The following PRKACA variants were observed in gnomAD, a reference collection of about 807,000 sequenced individuals.
PRKACA encodes the protein cAMP-dependent protein kinase catalytic subunit alpha.
A neutral mutation model predicts 45.8 loss-of-function variants in PRKACA; 9 were observed. That is an observed-to-expected ratio of 0.20 (90% CI 0.12 to 0.34). The LOEUF (loss-of-function observed/expected upper bound fraction) is 0.34. Among genes scored for constraint, PRKACA ranks in the 10% least tolerant of loss-of-function variants. The pLI is 1.00. For synonymous variants in PRKACA, 160 were observed against 178.6 expected (o/e 0.90, Z 0.83); for missense variants, 238 against 458.6 (o/e 0.52, Z 4.39).
intron 2 of PRKACA, 84 bp from the exon 3 acceptor site, chr19:14,106,972 C>CGGT (rs1977631257): frequency 4.5e-6 from 7 of 1,544,278 alleles, no homozygotes; most frequent in South Asian, 1.2e-5. Flanking sequence ...CCTCTGCCAC[C>CGGT]GGCAGAGGGG....
At chr19:14,094,366 T>G (rs1292133012) in intron 8 of PRKACA, among the ~76,000 whole-genome samples, 1 of 152,106 alleles carries the variant, frequency 6.6e-6, no homozygotes, top group Non-Finnish European at 1.5e-5. Flanking sequence ...TTTTTGTATT[T>G]TTAGTAGAGA....
rs190403306 is a variant in PRKACA at position 14,106,602 on chromosome 19, C to T, written c.237+158G>A. 1.5e-3 allele frequency among the ~76,000 whole-genome samples: 222 copies of T among 152,142 alleles called. No homozygotes were observed. In the Middle Eastern group the frequency reaches 0.017, roughly 12 times the overall value. Reference sequence around the variant, plus strand: ...TAGGGAGGTGGAGGTTGCAGTGAGCCGAGATCACGCCACTGTACTCCAGCC... The same window carrying T: ...TAGGGAGGTGGAGGTTGCAGTGAGCTGAGATCACGCCACTGTACTCCAGCC... On this transcript the variant is annotated intron_variant, in intron 3 of 9. Transcript: ENST00000308677.
intron 1 of PRKACA, among the ~76,000 whole-genome samples, chr19:14,109,965 AATATATATATAT>A (rs1188333013): frequency 3.8e-4 from 9 of 23,774 alleles, no homozygotes; most frequent in South Asian, 2.6e-3. Flanking sequence ...AAAAAAAAAA[AATATATATATAT>A]ATATATATAT....
chr19:14,094,165 G>A (rs1173463551), intron 8 of PRKACA, among the ~76,000 whole-genome samples: 2 of 91,330 alleles, frequency 2.2e-5, no homozygotes, highest in East Asian at 3.8e-4. Flanking sequence ...CACCCAGCAA[G>A]AATCTGCATT....
intron 1 of PRKACA, among the ~76,000 whole-genome samples, chr19:14,110,905 A>G (rs1369208884): frequency 1.3e-5 from 2 of 152,208 alleles, no homozygotes; most frequent in Non-Finnish European, 2.9e-5. Context: ...CAGGGTGGCC[A>G]ATGTGGACAG....
intron 1 of PRKACA, 129 bp downstream of exon 1, chr19:14,117,373 G>T: frequency 9.3e-7 from 1 of 1,071,866 alleles, no homozygotes. Context: ...TGGACAGGCC[G>T]GGGCAAGGGG....
At chr19:14,096,478 C>T (rs2145747301) in intron 8 of PRKACA, 1 of 152,548 alleles carries the variant, frequency 6.6e-6, no homozygotes, top group South Asian at 2.1e-4. Context: ...TACCCAGCCC[C>T]AAAGTTTCAA....
At position 14,091,773 on chromosome 19, in the gene PRKACA, C is replaced by G. The variant is rs1977074213; in HGVS notation, c.*1339G>C. 6.6e-6 allele frequency: 1 copy of G among 152,538 alleles called. No individual in the cohort carries two copies. The highest frequency in any genetic ancestry group is 2.4e-5 in the African/African-American group (1 of 41,442). 9.4% of individuals were successfully genotyped at this position (152,538 alleles called of 1,614,324 possible). On this transcript the variant is annotated 3_prime_UTR_variant, in exon 10 of 10. Transcript: ENST00000308677. ...GTTCAAGAGGAAGTCTCGTCCTTCG[C>G]AGCACACAGGTTGAATCGCCCCCGC... is the stretch of plus-strand genomic sequence containing the variant.
At chr19:14,113,630 CCTT>C (rs768178634) in intron 1 of PRKACA, among the ~76,000 whole-genome samples, 2 of 152,188 alleles carry the variant, frequency 1.3e-5, no homozygotes, top group African/African-American at 2.4e-5. Flanking sequence ...CAATCTCAGA[CCTT>C]CTGCCCTTTT....
Position 14,097,518 on chromosome 19 carries a change from A to C in PRKACA, c.643-35T>G, listed in dbSNP as rs775520455. ...GATGGGGGGGCACAGGGTGAGGAGG[A>C]GGCGAGAGCAGGAGAGCAGAGCCGG... is the stretch of plus-strand genomic sequence containing the variant. On this transcript the variant is annotated intron_variant, in intron 7 of 9. Coordinates refer to ENST00000308677, the MANE Select transcript of PRKACA (RefSeq NM_002730.4). The surrounding 1 kb of genome is among the most constrained non-coding windows in gnomAD (Gnocchi z 5.4). The C allele has an allele frequency of 1.2e-6, 2 of 1,613,524 alleles. No homozygotes were observed. The highest frequency in any genetic ancestry group is 2.2e-5 in the East Asian group (1 of 44,870).
chr19:14,093,904 G>C (rs749850341), intron 8 of PRKACA, 112 bp from the exon 9 acceptor site: 6 of 1,140,404 alleles, frequency 5.3e-6, no homozygotes, highest in Non-Finnish European at 6.1e-6. Flanking sequence ...CCAAAGCAGA[G>C]TGCCTGCCAG....
At chr19:14,095,733 G>T (rs570000034) in intron 8 of PRKACA, among the ~76,000 whole-genome samples, 27 of 151,804 alleles carry the variant, frequency 1.8e-4, no homozygotes, top group Non-Finnish European at 3.4e-4. Flanking sequence ...AGCCAGGCTG[G>T]TCTTGAACTC....
In PRKACA at chr19:14,092,531, G is replaced by C. The variant is rs1156343215; in HGVS notation, c.*581C>G. On this transcript the variant is annotated 3_prime_UTR_variant, in exon 10 of 10. Transcript: ENST00000308677. ...GGGGTGGGAGTAGAGGAAGGAGGGA[G>C]GGAGGCACTGGTGGAACTTAAATAA... is the stretch of plus-strand genomic sequence containing the variant. 4 of 398,494 alleles carry C rather than the reference G, an allele frequency of 1.0e-5. No homozygotes were observed. The South Asian group carries it at 5.2e-4, about 52-fold the overall frequency. The allele number at this position is 398,494 out of a possible 1,614,324, so 24.7% of individuals were successfully genotyped here. A position where few individuals can be genotyped will look rare whatever the true frequency, so the allele number is the denominator to read the frequency against.
intron 4 of PRKACA, 92 bp downstream of exon 4, chr19:14,102,724 A>G: frequency 9.4e-7 from 1 of 1,065,456 alleles, no homozygotes; most frequent in Non-Finnish European, 1.5e-6. Flanking sequence ...GAGAGCAGCC[A>G]CTGATTGTCC....
chr19:14,103,056 C>A, intron 3 of PRKACA, 142 bp from the exon 4 acceptor site: 1 of 693,308 alleles, frequency 1.4e-6, no homozygotes, highest in Non-Finnish European at 2.6e-6. Context: ...CTGTCGGGCC[C>A]TTAGCTGATG....
At chr19:14,107,735 G>A in intron 1 of PRKACA, 1 of 1,094,658 alleles carries the variant, frequency 9.1e-7, no homozygotes. Context: ...CAGGGCCGAC[G>A]CCAGCCGAGG....
At chr19:14,114,010 G>A in intron 1 of PRKACA, 2 of 1,164,772 alleles carry the variant, frequency 1.7e-6, no homozygotes, top group Non-Finnish European at 2.5e-6. Flanking sequence ...GCGTTTCCAG[G>A]GCCAGCCAGG....
At chr19:14,106,663 C>T (rs1042745862) in intron 3 of PRKACA, 97 bp downstream of exon 3, 2 of 1,519,904 alleles carry the variant, frequency 1.3e-6, no homozygotes, top group African/African-American at 1.4e-5. Context: ...CAAAAAAAAG[C>T]AAGTGAGTGA....
intron 1 of PRKACA, chr19:14,115,118 G>A (rs1967081295): frequency 1.0e-6 from 1 of 985,232 alleles, no homozygotes; most frequent in Admixed American, 6.1e-5. Flanking sequence ...GAGCCTCTGG[G>A]AGGAAGTACA....
Sources: gnomAD v4.1 joint callset for allele counts (sites outside exome capture counted in the v4.1 genomes callset) on GRCh38, gnomAD v4.1.1 for gene constraint, Gnocchi (gnomAD v3.1) non-coding constraint, MANE v1.5 for transcripts, NCBI Gene and HGNC (gene_info 2026-07-23, HGNC 2026-07-21) for gene names.